Variants in BCAS3 observed in about 807,000 individuals in gnomAD.
The protein encoded by BCAS3 is BCAS4/BCAS3 fusion.
In BCAS3, 53 loss-of-function variants were observed where a neutral mutation model predicts 116.1. That is an observed-to-expected ratio of 0.46 (90% CI 0.37 to 0.57). The LOEUF is 0.57. BCAS3 is among the 20% of genes least tolerant of loss of function. BCAS3 has a pLI of 0.00. For missense variants in BCAS3, 917 were observed against 1,165.4 expected, an observed-to-expected ratio of 0.79 and a Z score of 3.10; for synonymous variants, 391 against 408.2, an observed-to-expected ratio of 0.96 and a Z score of 0.51.
At chr17:60,816,525 G>A (rs1046075882) in intron 7 of BCAS3, among the ~76,000 whole-genome samples, 7 of 151,892 alleles carry the variant, frequency 4.6e-5, no homozygotes, top group Non-Finnish European at 8.8e-5. Context: ...CGCCCGCCTC[G>A]GCCCCCCAAA....
At chr17:61,123,921 T>C (rs1341376478) in intron 22 of BCAS3, among the ~76,000 whole-genome samples, 1 of 152,200 alleles carries the variant, frequency 6.6e-6, no homozygotes, top group East Asian at 1.9e-4. Flanking sequence ...CTATTTGTTT[T>C]CATGTTTTGT....
intron 5 of BCAS3, among the ~76,000 whole-genome samples, chr17:60,718,491 G>A (rs919875741): frequency 6.6e-6 from 1 of 152,170 alleles, no homozygotes; most frequent in Non-Finnish European, 1.5e-5. Flanking sequence ...CTGGAGGGCA[G>A]TGATGCTATC....
rs1297093767 is a variant in BCAS3, at chr17:60,679,548, C to G, written c.83+8C>G. ...TCGCCCCCAGGCTGTCACGTAAGCA[C>G]ATTTCAGATAAACCCAATAGCTGAA... On this transcript the variant is annotated splice_region_variant and intron_variant, in intron 2 of 23. Transcript: ENST00000407086. 1 of 1,602,274 alleles carries G rather than the reference C, an allele frequency of 6.2e-7. No homozygotes were observed. The highest frequency in any genetic ancestry group is 2.2e-5 in the East Asian group (1 of 44,770).
rs2063782995 is a variant in BCAS3, at chr17:60,995,509, G to C, written c.1486+5274G>C. ...GACTGGGTTTCACAATGTTGGCCAG[G>C]CTGGTCTCAAACTCCTGACCTCAAG... On this transcript the variant is annotated intron_variant, in intron 15 of 23. Coordinates refer to ENST00000407086, the MANE Select transcript of BCAS3 (RefSeq NM_017679.5). This position sits in a 1 kb window ranked among gnomAD's most constrained non-coding sequence, Gnocchi z 4.7. Among the ~76,000 whole-genome samples, 1 of 151,808 alleles carries C rather than the reference G, an allele frequency of 6.6e-6. No homozygotes were observed. Among genetic ancestry groups the C allele is most frequent in the African/African-American group, 2.4e-5 (1 of 41,334 alleles).
rs2051330213 is a variant in BCAS3 at position 61,282,538 on chromosome 17, C to G, written c.2426-85789C>G. Reference sequence around the variant, plus strand: ...AACTAAAGTTGGTTTCGTTGGCTTACTCTTAGACAGATGTGACTTCCTGTG... The same window carrying G: ...AACTAAAGTTGGTTTCGTTGGCTTAGTCTTAGACAGATGTGACTTCCTGTG... On this transcript the variant is annotated intron_variant, in intron 22 of 23. Transcript: ENST00000407086. This position sits in a 1 kb window ranked among gnomAD's most constrained non-coding sequence, Gnocchi z 5.9. 6.6e-6 allele frequency among the ~76,000 whole-genome samples: 1 copy of G among 152,224 alleles called. No homozygotes were observed. The highest frequency in any genetic ancestry group is 2.4e-5 in the African/African-American group (1 of 41,460).
intron 2 of BCAS3, among the ~76,000 whole-genome samples, 166 bp downstream of exon 2, chr17:60,679,706 T>A (rs972737109): frequency 2.6e-5 from 4 of 151,910 alleles, no homozygotes; most frequent in Admixed American, 2.0e-4. Context: ...AATTGGAGAG[T>A]TAAGTTGACG....
At chr17:60,981,318 C>A (rs1446074542) in intron 14 of BCAS3, among the ~76,000 whole-genome samples, 1 of 151,370 alleles carries the variant, frequency 6.6e-6, no homozygotes, top group Non-Finnish European at 1.5e-5. Context: ...CTCGCTCTGT[C>A]ACCCAGGCTG....
chr17:61,115,072 C>A (rs1448537773), intron 22 of BCAS3, among the ~76,000 whole-genome samples: 7 of 147,572 alleles, frequency 4.7e-5, no homozygotes, highest in Non-Finnish European at 9.1e-5. Context: ...TTCCTTACAC[C>A]TTATACAAAA....
rs1296589997 is a variant in BCAS3, at chr17:61,349,346, G to A, written c.2426-18981G>A. Among the ~76,000 whole-genome samples the A allele has an allele frequency of 2.0e-5, 3 of 152,160 alleles. No individual in the cohort carries two copies. The highest frequency in any genetic ancestry group is 7.2e-5 in the African/African-American group (3 of 41,432). ...AGTTCTTGAGAATCCCCATGATCAT[G>A]AGCCACTGTTACTGATGGAACCATG... On this transcript the variant is annotated intron_variant, in intron 22 of 23. Coordinates refer to ENST00000407086, the MANE Select transcript of BCAS3 (RefSeq NM_017679.5). This position sits in a 1 kb window ranked among gnomAD's most constrained non-coding sequence, Gnocchi z 4.7.
Position 61,171,056 on chromosome 17 carries a change from A to G in BCAS3, c.2425+86492A>G, listed in dbSNP as rs890228214. ...AAAGTGATACAAGATTTTTGTGTCA[A>G]AAGTGGGGCAAAATTTCCTCTAAAT... On this transcript the variant is annotated intron_variant, in intron 22 of 23. Transcript: ENST00000407086. This position sits in a 1 kb window ranked among gnomAD's most constrained non-coding sequence, Gnocchi z 4.1. Among the ~76,000 whole-genome samples the G allele has an allele frequency of 2.0e-5, 3 of 152,166 alleles. No individual in the cohort carries two copies. The highest frequency in any genetic ancestry group is 7.2e-5 in the African/African-American group (3 of 41,442).
chr17:60,824,585 A>C lies in BCAS3; in HGVS notation c.476+16509A>C, dbSNP rs79542102. Among the ~76,000 whole-genome samples the C allele has an allele frequency of 5.3e-5, 8 of 152,314 alleles. No homozygotes were observed. In the East Asian group the frequency reaches 1.5e-3, roughly 29 times the overall value. ...CCCTGCTTCTCAGAGTGAATCCTAC[A>C]TGACTTTTTTCTGTGTTCTGTCACC... On this transcript the variant is annotated intron_variant, in intron 7 of 23. Transcript: ENST00000407086.
chr17:61,338,076 T>C (rs962983675), intron 22 of BCAS3, among the ~76,000 whole-genome samples: 4 of 152,228 alleles, frequency 2.6e-5, no homozygotes, highest in Admixed American at 2.6e-4. Context: ...GCCCGGCTTA[T>C]GTTATGTTAG....
intron 5 of BCAS3, among the ~76,000 whole-genome samples, chr17:60,728,205 C>T (rs1053216511): frequency 6.6e-6 from 1 of 152,160 alleles, no homozygotes; most frequent in Admixed American, 6.6e-5. Context: ...CACTGCCCTA[C>T]ACATCCTCTG....
In BCAS3 at chr17:61,104,558, A is replaced by C. The variant is rs1702983665; in HGVS notation, c.2425+19994A>C. 6.6e-6 allele frequency among the ~76,000 whole-genome samples: 1 copy of C among 152,130 alleles called. No individual in the cohort carries two copies. Among genetic ancestry groups the C allele is most frequent in the Non-Finnish European group, 1.5e-5 (1 of 68,030 alleles). On this transcript the variant is annotated intron_variant, in intron 22 of 23. Transcript: ENST00000407086. The surrounding 1 kb of genome is among the most constrained non-coding windows in gnomAD (Gnocchi z 4.1). ...AGATCTGCACTTCATCTCATACTTC[A>C]TCATTTATTGGATCAAATAGCAGTC...
chr17:61,291,069 C>T (rs569491971), intron 22 of BCAS3, among the ~76,000 whole-genome samples: 215 of 152,314 alleles, frequency 1.4e-3, no homozygotes, highest in African/African-American at 4.9e-3. Flanking sequence ...CGTGAGCCAC[C>T]GCGCCCGGCC....
At chr17:60,919,939 T>C (rs1248457488) in intron 12 of BCAS3, among the ~76,000 whole-genome samples, 3 of 151,974 alleles carry the variant, frequency 2.0e-5, no homozygotes, top group Non-Finnish European at 2.9e-5. Context: ...CAAAAGAAGA[T>C]AGGAGGAACA....
chr17:61,288,908 G>T (rs975823763), intron 22 of BCAS3, among the ~76,000 whole-genome samples: 1 of 152,198 alleles, frequency 6.6e-6, no homozygotes, highest in African/African-American at 2.4e-5. Context: ...GGTTTTGGAG[G>T]ACAGGGGTGG....
chr17:60,900,767 ATTTC>A (rs1382797790), intron 10 of BCAS3, among the ~76,000 whole-genome samples: 1 of 151,086 alleles, frequency 6.6e-6, no homozygotes, highest in African/African-American at 2.4e-5. Context: ...ATTTTGCACT[ATTTC>A]TATAGTGCAA....
At chr17:60,763,627 T>C (rs2144366018) in intron 6 of BCAS3, among the ~76,000 whole-genome samples, 1 of 152,344 alleles carries the variant, frequency 6.6e-6, no homozygotes, top group Middle Eastern at 3.4e-3. Flanking sequence ...TTCGCATCGA[T>C]GTTCATCAGG....
Sources: allele counts gnomAD v4.1 joint callset (sites outside exome capture counted in the v4.1 genomes callset), GRCh38; gene constraint gnomAD v4.1.1; non-coding constraint Gnocchi (gnomAD v3.1); transcripts MANE v1.5; gene names NCBI Gene and HGNC (gene_info 2026-07-23, HGNC 2026-07-21).